Variants in MYO5B observed in about 807,000 individuals in gnomAD.
MYO5B encodes unconventional myosin-Vb.
A neutral mutation model predicts 229.3 loss-of-function variants in MYO5B; 143 were observed. The ratio of observed to expected loss-of-function variants is 0.62; its 90% CI spans 0.54 to 0.72. MYO5B has a LOEUF of 0.72. Ranked by LOEUF, MYO5B falls within the 30% of genes least tolerant of loss-of-function variation. The pLI is 0.00. For missense variants in MYO5B, 2,321 were observed against 2,331.0 expected (o/e 1.00, Z 0.09); for synonymous variants, 918 against 885.2 (o/e 1.04, Z -0.66).
chr18:50,002,616 G>T (rs1416870568), intron 4 of MYO5B, among the ~76,000 whole-genome samples: 1 of 152,108 alleles, frequency 6.6e-6, no homozygotes, highest in South Asian at 2.1e-4. Flanking sequence ...TCGCAGTTTC[G>T]GGAAACGGTT....
intron 2 of MYO5B, among the ~76,000 whole-genome samples, chr18:50,044,693 T>A (rs1217113932): frequency 2.6e-5 from 4 of 152,098 alleles, no homozygotes; most frequent in Non-Finnish European, 4.4e-5. Flanking sequence ...TAAAATTAAA[T>A]TCAACTGAAA....
intron 1 of MYO5B, among the ~76,000 whole-genome samples, chr18:50,135,630 A>G (rs533467565): frequency 2.6e-5 from 4 of 152,362 alleles, no homozygotes; most frequent in African/African-American, 9.6e-5. Flanking sequence ...ATATGTATTT[A>G]AATGGCTAAT....
At chr18:50,072,472 G>A (rs563620250) in intron 1 of MYO5B, among the ~76,000 whole-genome samples, 3 of 152,258 alleles carry the variant, frequency 2.0e-5, no homozygotes, top group East Asian at 1.9e-4. Context: ...TGGTGTGAAC[G>A]CTGGCCCCAA....
intron 4 of MYO5B, among the ~76,000 whole-genome samples, chr18:50,027,883 A>G (rs2026347967): frequency 6.6e-6 from 1 of 152,222 alleles, no homozygotes. Context: ...GTGAAATTTA[A>G]TATGGATAGA....
intron 10 of MYO5B, among the ~76,000 whole-genome samples, chr18:49,965,086 G>A (rs916616686): frequency 6.6e-6 from 1 of 152,190 alleles, no homozygotes. Context: ...AGGCACGAAG[G>A]TGAGCAAGGT....
intron 5 of MYO5B, among the ~76,000 whole-genome samples, chr18:49,996,246 C>A (rs2025985917): frequency 6.6e-6 from 1 of 152,134 alleles, no homozygotes; most frequent in Non-Finnish European, 1.5e-5. Context: ...CTGGAACAAC[C>A]ATTCTGAAGG....
intron 38 of MYO5B, 61 bp downstream of exon 38, chr18:49,836,650 T>C (rs1312774380): frequency 1.3e-6 from 2 of 1,591,428 alleles, no homozygotes; most frequent in Non-Finnish European, 1.7e-6. Flanking sequence ...GAGAACAGAC[T>C]TGGAATGGAC....
intron 1 of MYO5B, among the ~76,000 whole-genome samples, chr18:50,076,032 C>A (rs1390586528): frequency 6.6e-6 from 1 of 152,212 alleles, no homozygotes; most frequent in African/African-American, 2.4e-5. Flanking sequence ...CCCTGTTAAC[C>A]CTCCACTGAC....
chr18:49,937,954 C>G lies in MYO5B; in HGVS notation c.1753-557G>C, dbSNP rs529457747. ...CATAAATTGGTGAACATCCTGAAAC[C>G]CAGTGAATTGTGTGCTTCAAAAGGG... is the stretch of plus-strand genomic sequence containing the variant. On this transcript the variant is annotated intron_variant, in intron 14 of 39. Coordinates refer to ENST00000285039, the MANE Select transcript of MYO5B (RefSeq NM_001080467.3). 7.4e-4 allele frequency among the ~76,000 whole-genome samples: 113 copies of G among 152,088 alleles called. 1 individual carries two copies. Among genetic ancestry groups the G allele is most frequent in the African/African-American group, 2.6e-3 (107 of 41,462 alleles).
intron 1 of MYO5B, among the ~76,000 whole-genome samples, chr18:50,072,618 G>C (rs2030984565): frequency 6.6e-6 from 1 of 152,194 alleles, no homozygotes; most frequent in South Asian, 2.1e-4. Flanking sequence ...CCTCATGTGG[G>C]CATGAGATGA....
intron 14 of MYO5B, among the ~76,000 whole-genome samples, chr18:49,948,124 C>T (rs1315587890): frequency 6.6e-6 from 1 of 152,186 alleles, no homozygotes; most frequent in Non-Finnish European, 1.5e-5. Flanking sequence ...ATCACACCTA[C>T]TCATTTGTGT....
chr18:50,115,255 C>T (rs2031937463), intron 1 of MYO5B, among the ~76,000 whole-genome samples: 1 of 152,218 alleles, frequency 6.6e-6, no homozygotes. Context: ...TGTCTTAGCT[C>T]TTCAAACACA....
chr18:49,904,856 T>G (rs1170686052), intron 19 of MYO5B, 28 bp from the exon 20 acceptor site: 1 of 1,611,572 alleles, frequency 6.2e-7, no homozygotes, highest in Non-Finnish European at 8.5e-7. Flanking sequence ...ACAGGCAGTG[T>G]CAGGGAGAGA....
chr18:49,982,973 G>A (rs1479639194), intron 8 of MYO5B, among the ~76,000 whole-genome samples: 1 of 152,262 alleles, frequency 6.6e-6, no homozygotes, highest in East Asian at 1.9e-4. Flanking sequence ...AGCACTACAA[G>A]GGCAGCTGCC....
rs74176748 is a variant in MYO5B, at chr18:49,947,101, C to CTTTT, written c.1752+6155_1752+6158dup. 7.2e-3 allele frequency among the ~76,000 whole-genome samples: 778 copies of CTTTT among 108,230 alleles called. 10 individuals carry two copies. Among genetic ancestry groups the CTTTT allele is most frequent in the Non-Finnish European group, 0.011 (580 of 55,150 alleles). The allele number at this position is 108,230 out of a possible 152,430, so 71.0% of individuals were successfully genotyped here. A position where few individuals can be genotyped will look rare whatever the true frequency, so the allele number is the denominator to read the frequency against. ...CACAATGAAAAGTAGTCACCAAGCT[C>CTTTT]TTTTTTTTTTTTTTTTTTTTTTGAG... On this transcript the variant is annotated intron_variant, in intron 14 of 39. Coordinates refer to ENST00000285039, the MANE Select transcript of MYO5B (RefSeq NM_001080467.3).
chr18:50,063,445 C>T (rs2030739041), intron 1 of MYO5B, among the ~76,000 whole-genome samples: 1 of 152,164 alleles, frequency 6.6e-6, no homozygotes, highest in South Asian at 2.1e-4. Context: ...ACCCAGATGC[C>T]TCCCTATCTT....
At chr18:50,052,607 T>G (rs1339185933) in intron 2 of MYO5B, among the ~76,000 whole-genome samples, 1 of 148,118 alleles carries the variant, frequency 6.8e-6, no homozygotes, top group African/African-American at 2.5e-5. Context: ...CTAATGCTAA[T>G]TGATGAGTTA....
At chr18:49,854,848 T>C (rs1169271536) in intron 30 of MYO5B, among the ~76,000 whole-genome samples, 2 of 152,146 alleles carry the variant, frequency 1.3e-5, no homozygotes, top group Non-Finnish European at 2.9e-5. Flanking sequence ...AGGGAAAGTC[T>C]ACACTGTTGA....
At chr18:50,113,346 C>G (rs529087834) in intron 1 of MYO5B, among the ~76,000 whole-genome samples, 15 of 152,312 alleles carry the variant, frequency 9.8e-5, no homozygotes, top group African/African-American at 3.1e-4. Flanking sequence ...GTCACTGATG[C>G]CTCCCTGTGA....
Sources: gnomAD v4.1 joint callset for allele counts (sites outside exome capture counted in the v4.1 genomes callset) on GRCh38, gnomAD v4.1.1 for gene constraint, MANE v1.5 for transcripts, NCBI Gene and HGNC (gene_info 2026-07-23, HGNC 2026-07-21) for gene names.